The following XKR6 variants were observed in gnomAD, a reference collection of about 807,000 sequenced individuals.
XKR6 encodes the protein XK related 6, also known as XK-related protein 6.
In XKR6, 22 loss-of-function variants were observed where a neutral mutation model predicts 56.7. The ratio of observed to expected loss-of-function variants is 0.39; its 90% CI spans 0.28 to 0.55. XKR6 has a LOEUF of 0.55. XKR6 is among the 20% of genes least tolerant of loss of function. The pLI, the probability that XKR6 is intolerant of heterozygous loss-of-function variation, is 0.66. For missense variants in XKR6, 852 were observed against 889.0 expected, an observed-to-expected ratio of 0.96 and a Z score of 0.53; for synonymous variants, 524 against 387.8, an observed-to-expected ratio of 1.35 and a Z score of -4.13.
intron 1 of XKR6, among the ~76,000 whole-genome samples, chr8:10,974,554 G>A (rs1802498634): frequency 6.6e-6 from 1 of 152,186 alleles, no homozygotes; most frequent in South Asian, 2.1e-4. Flanking sequence ...TCTTTTTGCA[G>A]GAAAAGTAAT....
At chr8:10,956,699 A>G (rs922122325) in intron 1 of XKR6, among the ~76,000 whole-genome samples, 29 of 152,150 alleles carry the variant, frequency 1.9e-4, no homozygotes, top group African/African-American at 2.4e-5. Flanking sequence ...CATCGTGCCA[A>G]TGGTTTCAAA....
chr8:11,031,512 G>A (rs1315883322), intron 1 of XKR6, among the ~76,000 whole-genome samples: 1 of 152,212 alleles, frequency 6.6e-6, no homozygotes, highest in African/African-American at 2.4e-5. Flanking sequence ...ACCACTCCAG[G>A]AGACAGGCCA....
In XKR6 at chr8:10,898,646, G is replaced by A. The variant is rs1563276212; in HGVS notation, c.1232C>T (p.Ser411Phe). 1 of 1,614,104 alleles carries A rather than the reference G, an allele frequency of 6.2e-7. No homozygotes were observed. The highest frequency in any genetic ancestry group is 1.7e-5 in the Admixed American group (1 of 60,032). The change falls in exon 3 of 3, where the codon TCC becomes TTC. Residue 411 changes from serine to phenylalanine, a missense_variant. Ser to Phe is a radical substitution (Grantham distance 155). This residue lies in a region of XKR6 where 199 missense variants were observed against 280.4 expected (regional missense o/e 0.71). Coordinates refer to ENST00000416569, the MANE Select transcript of XKR6 (RefSeq NM_173683.4). This position sits in a 1 kb window ranked among gnomAD's most constrained non-coding sequence, Gnocchi z 6.6. ...GTTGAAGAGGATCTCCTCCCACTTG[G>A]ACATGCAGAAGTCTGTTCCGCCATG... ...IIHGGTDFCM[S>F]KWEEILFNMV... is the part of the protein sequence containing the mutation.
chr8:11,058,507 A>G (rs1013723279), intron 1 of XKR6, among the ~76,000 whole-genome samples: 1 of 152,244 alleles, frequency 6.6e-6, no homozygotes, highest in Non-Finnish European at 1.5e-5. Flanking sequence ...CTATGCAGCC[A>G]TAAAAAAGGA....
intron 1 of XKR6, among the ~76,000 whole-genome samples, chr8:11,114,725 A>ATG (rs1491486493): frequency 0.013 from 1,032 of 77,672 alleles, 19 homozygotes; most frequent in African/African-American, 0.051. Flanking sequence ...CTTAGATCAC[A>ATG]TATGTGTGTG....
chr8:11,158,454 A>G (rs901336624), intron 1 of XKR6, among the ~76,000 whole-genome samples: 5 of 152,198 alleles, frequency 3.3e-5, no homozygotes, highest in African/African-American at 1.2e-4. Context: ...GCAAGAAATC[A>G]GACAACCGGA....
intron 2 of XKR6, among the ~76,000 whole-genome samples, chr8:10,911,792 G>C (rs1367194788): frequency 2.0e-5 from 3 of 150,320 alleles, no homozygotes; most frequent in Non-Finnish European, 3.0e-5. Flanking sequence ...TGTATATATA[G>C]AGACAATGTA....
At chr8:11,102,091 G>A (rs533522232) in intron 1 of XKR6, among the ~76,000 whole-genome samples, 80 of 152,044 alleles carry the variant, frequency 5.3e-4, no homozygotes, top group African/African-American at 1.7e-3. Flanking sequence ...GTCACTGGCT[G>A]AAAAATTTCA....
chr8:11,189,505 T>C (rs1459082795), intron 1 of XKR6, among the ~76,000 whole-genome samples: 2 of 152,212 alleles, frequency 1.3e-5, no homozygotes, highest in Non-Finnish European at 2.9e-5. Context: ...TTCAGATTGT[T>C]TAAATACTGG....
At chr8:10,911,990 AATAT>A (rs373930538) in intron 2 of XKR6, among the ~76,000 whole-genome samples, 5 of 139,166 alleles carry the variant, frequency 3.6e-5, no homozygotes, top group Non-Finnish European at 6.3e-5. Flanking sequence ...AAAGAGAGAG[AATAT>A]ATATATATAT....
chr8:11,137,977 G>C (rs560742957), intron 1 of XKR6: 1 of 314,326 alleles, frequency 3.2e-6, no homozygotes, highest in South Asian at 2.7e-5. Flanking sequence ...CTAATGCCCT[G>C]ATGAAGCCGT....
In XKR6 at chr8:10,988,120, C is replaced by G. The variant is rs190386830; in HGVS notation, c.765-63290G>C. ...TTTCACCCTCCCCTTCAACCACCTG[C>G]CAACTTCATATCCCCATCCCCTGCT... On this transcript the variant is annotated intron_variant, in intron 1 of 2. Transcript: ENST00000416569. Among the ~76,000 whole-genome samples, 180 of 152,364 alleles carry G rather than the reference C, an allele frequency of 1.2e-3. 1 individual carries two copies. The highest frequency in any genetic ancestry group is 3.4e-3 in the Middle Eastern group (1 of 294).
intron 1 of XKR6, among the ~76,000 whole-genome samples, chr8:10,996,104 G>C (rs1255862034): frequency 6.6e-6 from 1 of 151,972 alleles, no homozygotes; most frequent in Non-Finnish European, 1.5e-5. Flanking sequence ...TTTAAAGACA[G>C]CAATGCTTAT....
At chr8:10,981,632 G>A (rs925204746) in intron 1 of XKR6, among the ~76,000 whole-genome samples, 4 of 152,180 alleles carry the variant, frequency 2.6e-5, no homozygotes, top group South Asian at 2.1e-4. Flanking sequence ...AGCACTGACC[G>A]CACTTCCAGG....
chr8:11,015,367 A>G (rs1205154173), intron 1 of XKR6, among the ~76,000 whole-genome samples: 2 of 151,262 alleles, frequency 1.3e-5, no homozygotes, highest in Non-Finnish European at 2.9e-5. Flanking sequence ...CAGATTTTTG[A>G]GATTATTTAG....
intron 1 of XKR6, among the ~76,000 whole-genome samples, chr8:10,932,404 T>C (rs1801076854): frequency 6.6e-6 from 1 of 150,882 alleles, no homozygotes; most frequent in Non-Finnish European, 1.5e-5. Flanking sequence ...GCACAAATGT[T>C]TTAGCAGTTA....
At chr8:11,174,174 G>A (rs1175769354) in intron 1 of XKR6, among the ~76,000 whole-genome samples, 3 of 152,174 alleles carry the variant, frequency 2.0e-5, no homozygotes, top group Non-Finnish European at 2.9e-5. Context: ...TACAGCTGCC[G>A]ATTATCACCT....
chr8:11,143,713 C>T (rs1386373650), intron 1 of XKR6, among the ~76,000 whole-genome samples: 2 of 152,226 alleles, frequency 1.3e-5, no homozygotes, highest in African/African-American at 2.4e-5. Flanking sequence ...GGGACACATA[C>T]GGGAGTTTCT....
In XKR6 at chr8:11,187,675, T is replaced by G. The variant is rs1419627500; in HGVS notation, c.764+12901A>C. Among the ~76,000 whole-genome samples, 4 of 152,154 alleles carry G rather than the reference T, an allele frequency of 2.6e-5. 1 individual carries two copies. The highest frequency in any genetic ancestry group is 2.9e-5 in the Non-Finnish European group (2 of 68,034). Reference sequence around the variant, plus strand: ...CAGTCATATCAAAGCACCTTCCTTTTGTGCAAGCAGTGGGCATGGGGGTGG... The same window carrying G: ...CAGTCATATCAAAGCACCTTCCTTTGGTGCAAGCAGTGGGCATGGGGGTGG... On this transcript the variant is annotated intron_variant, in intron 1 of 2. Coordinates refer to ENST00000416569, the MANE Select transcript of XKR6 (RefSeq NM_173683.4).
Sources: allele counts gnomAD v4.1 joint callset (sites outside exome capture counted in the v4.1 genomes callset), GRCh38; gene constraint gnomAD v4.1.1; regional missense constraint gnomAD v4.1.1; non-coding constraint Gnocchi (gnomAD v3.1); transcripts MANE v1.5; gene names NCBI Gene and HGNC (gene_info 2026-07-23, HGNC 2026-07-21).